Variants in ARHGAP22 observed in about 807,000 individuals in gnomAD.
The protein encoded by ARHGAP22 is rho GTPase-activating protein 22.
A neutral mutation model predicts 59.1 loss-of-function variants in ARHGAP22; 48 were observed. The observed-to-expected ratio is 0.81, with a 90% confidence interval of 0.64 to 1.03. ARHGAP22 has a LOEUF of 1.03. Among genes scored for constraint, ARHGAP22 ranks in the 50% least tolerant of loss-of-function variants. ARHGAP22 has a pLI of 0.00. For missense variants in ARHGAP22, 1,015 were observed against 958.7 expected (o/e 1.06, Z -0.78); for synonymous variants, 445 against 416.4 (o/e 1.07, Z -0.84).
chr10:48,498,935 G>A lies in ARHGAP22; in HGVS notation c.323-19171C>T, dbSNP rs1589768577. The stretch of plus-strand genomic sequence containing the variant: ...AGATGCAGCCACCGAGACCCAAGGG[G>A]AGCTTCTTGGAGGGACATCTGAGAA... On this transcript the variant is annotated intron_variant, in intron 3 of 9. Transcript: ENST00000249601. 2.0e-5 allele frequency among the ~76,000 whole-genome samples: 3 copies of A among 152,062 alleles called. No homozygotes were observed. The South Asian group carries it at 6.2e-4, about 32-fold the overall frequency.
chr10:48,596,845 A>G (rs559046460), intron 1 of ARHGAP22, among the ~76,000 whole-genome samples: 1 of 152,104 alleles, frequency 6.6e-6, no homozygotes, highest in African/African-American at 2.4e-5. Context: ...TGTGGCTGTG[A>G]TGTGGAGGGC....
chr10:48,450,915 G>C lies in ARHGAP22; in HGVS notation c.1214C>G (p.Ser405Cys). The change falls in exon 9 of 10, where the codon TCC becomes TGC. Residue 405 changes from serine to cysteine, a missense_variant. Transcript: ENST00000249601. ...SLDGAAVAVL[S>C]RTAPTGPGSR... ...CCCCGGCCCCGTGGGGGCTGTTCTG[G>C]AGAGCACCGCCACGGCCGCCCCGTC... The C allele has an allele frequency of 6.3e-7, 1 of 1,598,332 alleles. No homozygotes were observed. Among genetic ancestry groups the C allele is most frequent in the Non-Finnish European group, 8.5e-7 (1 of 1,173,464 alleles).
chr10:48,600,741 T>C (rs184023793), intron 1 of ARHGAP22, among the ~76,000 whole-genome samples: 9 of 152,340 alleles, frequency 5.9e-5, no homozygotes, highest in Admixed American at 3.9e-4. Flanking sequence ...AAGAGACAGC[T>C]TGGTTCTCTC....
intron 9 of ARHGAP22, among the ~76,000 whole-genome samples, chr10:48,447,640 G>A (rs542750085): frequency 2.6e-4 from 40 of 151,954 alleles, no homozygotes; most frequent in African/African-American, 7.0e-4. Flanking sequence ...CCCCTGGCTC[G>A]GGCCTGGACC....
At chr10:48,447,314 G>A (rs2045457626) in intron 9 of ARHGAP22, among the ~76,000 whole-genome samples, 1 of 152,196 alleles carries the variant, frequency 6.6e-6, no homozygotes, top group Admixed American at 6.5e-5. Context: ...ACACACCTGA[G>A]CCCAGCCCCT....
At position 48,450,917 on chromosome 10, in the gene ARHGAP22, G is replaced by C. The variant is rs939444178; in HGVS notation, c.1212C>G (p.Leu404=). The change falls in exon 9 of 10, where the codon CTC becomes CTG. Residue 404 remains leucine (L), a synonymous_variant. Coordinates refer to ENST00000249601, the MANE Select transcript of ARHGAP22 (RefSeq NM_021226.4). ...SSLDGAAVAV[L]SRTAPTGPGS... ...CCGGCCCCGTGGGGGCTGTTCTGGA[G>C]AGCACCGCCACGGCCGCCCCGTCCA... 2 of 1,597,842 alleles carry C rather than the reference G, an allele frequency of 1.3e-6. No individual in the cohort carries two copies. Among genetic ancestry groups the C allele is most frequent in the Non-Finnish European group, 1.7e-6 (2 of 1,173,200 alleles).
intron 1 of ARHGAP22, among the ~76,000 whole-genome samples, chr10:48,619,763 A>G (rs2061218121): frequency 6.6e-6 from 1 of 152,228 alleles, no homozygotes; most frequent in Non-Finnish European, 1.5e-5. Flanking sequence ...AAACATCGGG[A>G]AAATGCTTCA....
chr10:48,606,559 T>C (rs996115121), upstream of ARHGAP22, among the ~76,000 whole-genome samples: 9 of 152,202 alleles, frequency 5.9e-5, no homozygotes, highest in African/African-American at 2.2e-4. Context: ...TTGCCGATGC[T>C]CTATACAACC....
chr10:48,637,121 C>T (rs2061850346), intron 1 of ARHGAP22, among the ~76,000 whole-genome samples: 1 of 152,180 alleles, frequency 6.6e-6, no homozygotes, highest in African/African-American at 2.4e-5. Flanking sequence ...CCCCAGAAGC[C>T]AACCAGGCCT....
Position 48,455,056 on chromosome 10 carries a change from G to A in ARHGAP22, c.738C>T (p.Ala246=). 1 of 1,612,440 alleles carries A rather than the reference G, an allele frequency of 6.2e-7. No individual in the cohort carries two copies. Among genetic ancestry groups the A allele is most frequent in the African/African-American group, 1.3e-5 (1 of 75,052 alleles). ...RELPEPVVPF[A]RYEDFLSCAQ... ...CGCAGCTGAGGAAGTCCTCGTACCT[G>A]GCGAAGGGGACCACGGGCTCGGGGA... Residue 246 remains alanine (A), a synonymous_variant, in exon 6 of 10, where the codon GCC becomes GCT. Transcript: ENST00000249601.
chr10:48,596,972 C>T (rs575564512), intron 1 of ARHGAP22, among the ~76,000 whole-genome samples: 28 of 152,184 alleles, frequency 1.8e-4, no homozygotes, highest in Non-Finnish European at 3.8e-4. Flanking sequence ...GTCTGCCTTT[C>T]CCTTTCCCTG....
At chr10:48,508,387 C>A (rs770112884) in intron 3 of ARHGAP22, among the ~76,000 whole-genome samples, 2 of 152,248 alleles carry the variant, frequency 1.3e-5, no homozygotes, top group South Asian at 2.1e-4. Flanking sequence ...CACTTCAGTG[C>A]GGCTGGCATG....
intron 2 of ARHGAP22, among the ~76,000 whole-genome samples, chr10:48,560,260 G>C (rs1021738911): frequency 6.6e-6 from 1 of 152,048 alleles, no homozygotes; most frequent in South Asian, 2.1e-4. Context: ...GATTGTGATC[G>C]GGATTGCATA....
At position 48,548,488 on chromosome 10, in the gene ARHGAP22, T is replaced by G. The variant is rs549117552; in HGVS notation, c.322+6975A>C. Among the ~76,000 whole-genome samples the G allele has an allele frequency of 3.2e-4, 48 of 152,358 alleles. 1 individual carries two copies. The highest frequency in any genetic ancestry group is 1.0e-3 in the African/African-American group (42 of 41,594). On this transcript the variant is annotated intron_variant, in intron 3 of 9. Transcript: ENST00000249601. ...CATTGTGCTAATTCCAGAAGACGGA[T>G]TTTAGCAATGAGTTACAAAGCTTAA...
At chr10:48,640,372 T>A (rs189360232) in intron 1 of ARHGAP22, among the ~76,000 whole-genome samples, 106 of 152,302 alleles carry the variant, frequency 7.0e-4, no homozygotes, top group African/African-American at 2.5e-3. Flanking sequence ...TTTTCATGTA[T>A]AATTATCTCA....
chr10:48,477,920 T>C (rs1160112209), intron 4 of ARHGAP22, among the ~76,000 whole-genome samples: 1 of 152,252 alleles, frequency 6.6e-6, no homozygotes, highest in African/African-American at 2.4e-5. Context: ...GTATAGCTTA[T>C]CTTTTCATTT....
At chr10:48,550,076 G>A (rs776356988) in intron 3 of ARHGAP22, among the ~76,000 whole-genome samples, 4 of 152,264 alleles carry the variant, frequency 2.6e-5, no homozygotes, top group Middle Eastern at 3.4e-3. Flanking sequence ...CACAGACCCC[G>A]TGCCCACTGT....
chr10:48,497,748 G>A (rs1210966992), intron 3 of ARHGAP22, among the ~76,000 whole-genome samples: 1 of 152,148 alleles, frequency 6.6e-6, no homozygotes, highest in Non-Finnish European at 1.5e-5. Flanking sequence ...TCAGTCCCAG[G>A]TGCAGCTCCT....
At chr10:48,557,192 G>T (rs1345104) in intron 2 of ARHGAP22, among the ~76,000 whole-genome samples, 108,953 of 151,960 alleles carry the variant, frequency 0.72, 40,116 homozygotes, top group East Asian at 0.91. Flanking sequence ...CCAGGATGGA[G>T]AAATGTGCTC....
Sources: gnomAD v4.1 joint callset for allele counts (sites outside exome capture counted in the v4.1 genomes callset) on GRCh38, gnomAD v4.1.1 for gene constraint, MANE v1.5 for transcripts, NCBI Gene and HGNC (gene_info 2026-07-23, HGNC 2026-07-21) for gene names.